UHRF2: variants seen among roughly 807,000 people sequenced by gnomAD.
UHRF2 encodes the protein E3 ubiquitin-protein ligase UHRF2.
In UHRF2, 23 loss-of-function variants were observed where a neutral mutation model predicts 96.8. That is an observed-to-expected ratio of 0.24 (90% CI 0.17 to 0.34). The LOEUF (loss-of-function observed/expected upper bound fraction) is 0.34. Among genes scored for constraint, UHRF2 ranks in the 10% least tolerant of loss-of-function variants. The pLI is 1.00. For synonymous variants in UHRF2, 385 were observed against 332.6 expected (o/e 1.16, Z -1.72); for missense variants, 685 against 981.5 (o/e 0.70, Z 4.04).
At chr9:6,460,944 A>G (rs1822500398) in intron 4 of UHRF2, among the ~76,000 whole-genome samples, 153 bp downstream of exon 4, 1 of 152,264 alleles carries the variant, frequency 6.6e-6, no homozygotes, top group African/African-American at 2.4e-5. Context: ...TAAATTCTTA[A>G]GAATTTTTAA....
intron 3 of UHRF2, among the ~76,000 whole-genome samples, chr9:6,439,493 T>A (rs1386437484): frequency 6.6e-6 from 1 of 152,236 alleles, no homozygotes; most frequent in Non-Finnish European, 1.5e-5. Flanking sequence ...CCTTAAGGCC[T>A]ACGTTAAGCT....
intron 3 of UHRF2, among the ~76,000 whole-genome samples, chr9:6,448,403 T>TA (rs1821650068): frequency 6.6e-6 from 1 of 152,228 alleles, no homozygotes; most frequent in Admixed American, 6.5e-5. Context: ...GTTTCTATAA[T>TA]ATGTTCAAGA....
intron 2 of UHRF2, among the ~76,000 whole-genome samples, chr9:6,430,898 C>G (rs978218890): frequency 3.9e-5 from 6 of 152,176 alleles, no homozygotes; most frequent in Admixed American, 2.6e-4. Flanking sequence ...CATGTTGTCA[C>G]TTAGTTACAT....
intron 3 of UHRF2, among the ~76,000 whole-genome samples, chr9:6,442,291 G>A (rs1821214551): frequency 6.6e-6 from 1 of 152,114 alleles, no homozygotes; most frequent in African/African-American, 2.4e-5. Flanking sequence ...CTTCCTGAAC[G>A]GGAGATGGGA....
chr9:6,448,727 G>A (rs977364808), intron 3 of UHRF2, among the ~76,000 whole-genome samples: 1 of 152,182 alleles, frequency 6.6e-6, no homozygotes, highest in Non-Finnish European at 1.5e-5. Context: ...AATAAGATAA[G>A]AATGGAAAGT....
At position 6,497,240 on chromosome 9, in the gene UHRF2, T is replaced by C; in HGVS notation, c.1647T>C (p.Ile549=). The change falls in exon 11 of 16, where the codon ATT becomes ATC. Residue 549 remains isoleucine (I), a synonymous_variant. Coordinates refer to ENST00000276893, the MANE Select transcript of UHRF2 (RefSeq NM_152896.3). The part of the protein sequence containing the change: ...LNCDAPLDDK[I]GAESRNWRAG... Reference sequence around the variant, plus strand: ...GTGATGCTCCATTGGATGATAAAATTGGAGCAGAGTCTCGGAATTGGAGAG... The same window carrying C: ...GTGATGCTCCATTGGATGATAAAATCGGAGCAGAGTCTCGGAATTGGAGAG... The C allele has an allele frequency of 6.2e-7, 1 of 1,614,010 alleles. No homozygotes were observed. The highest frequency in any genetic ancestry group is 8.5e-7 in the Non-Finnish European group (1 of 1,179,942).
At chr9:6,488,792 G>A (rs997457206) in intron 9 of UHRF2, among the ~76,000 whole-genome samples, 2 of 150,776 alleles carry the variant, frequency 1.3e-5, no homozygotes, top group African/African-American at 4.9e-5. Flanking sequence ...ATGAGCTACC[G>A]TGCTGAGTGT....
intron 2 of UHRF2, among the ~76,000 whole-genome samples, chr9:6,431,963 A>G (rs1241810067): frequency 6.6e-6 from 1 of 152,216 alleles, no homozygotes; most frequent in Admixed American, 6.5e-5. Flanking sequence ...GCGACAGAGT[A>G]GTAACCTCAG....
chr9:6,413,569 G>C lies in UHRF2; in HGVS notation c.79G>C (p.Glu27Gln). 1 of 1,602,228 alleles carries C rather than the reference G, an allele frequency of 6.2e-7. No individual in the cohort carries two copies. The highest frequency in any genetic ancestry group is 8.5e-7 in the Non-Finnish European group (1 of 1,174,900). The change falls in exon 1 of 16, where the codon GAG becomes CAG. Residue 27 changes from glutamate (E) to glutamine (Q), a missense_variant. Glu to Gln is a conservative substitution (Grantham distance 29, BLOSUM62 2). Around this residue, in one of 6 missense-constraint regions of UHRF2, gnomAD observed 38 missense variants for 35.9 expected, o/e 1.06. Transcript: ENST00000276893. ...EDVSRKATIE[E>Q]LRERVWALFD... ...CGTGTCTCGCAAAGCCACGATTGAGGAGCTGCGCGAGCGGGTGTGGGCGCT... is the reference window on the plus strand; with the variant it reads ...CGTGTCTCGCAAAGCCACGATTGAGCAGCTGCGCGAGCGGGTGTGGGCGCT...
chr9:6,461,308 T>C (rs1822520825), intron 4 of UHRF2, among the ~76,000 whole-genome samples: 1 of 151,824 alleles, frequency 6.6e-6, no homozygotes, highest in Non-Finnish European at 1.5e-5. Flanking sequence ...ATTTCTTTCT[T>C]TTCTTTTTTT....
intron 2 of UHRF2, among the ~76,000 whole-genome samples, chr9:6,428,052 G>C (rs184433515): frequency 3.3e-5 from 5 of 152,146 alleles, no homozygotes; most frequent in Non-Finnish European, 7.4e-5. Flanking sequence ...AATAATGACT[G>C]TTTAGAATGA....
chr9:6,460,395 A>G (rs560806499), intron 3 of UHRF2, among the ~76,000 whole-genome samples, 178 bp from the exon 4 acceptor site: 1 of 152,354 alleles, frequency 6.6e-6, no homozygotes, highest in African/African-American at 2.4e-5. Context: ...CCCTGTAGGT[A>G]TCGCAGTACA....
intron 2 of UHRF2, among the ~76,000 whole-genome samples, chr9:6,424,354 A>G (rs1386688685): frequency 7.2e-6 from 1 of 139,760 alleles, no homozygotes; most frequent in African/African-American, 2.5e-5. Context: ...TGTAAATTAA[A>G]ACAGTGCTAT....
intron 12 of UHRF2, chr9:6,498,730 A>G (rs1041746676): frequency 1.3e-5 from 2 of 152,496 alleles, no homozygotes; most frequent in African/African-American, 4.8e-5. Context: ...GTATGGCTGC[A>G]TTAATCCCTT....
At chr9:6,468,656 G>T (rs551562627) in intron 4 of UHRF2, 204 of 455,938 alleles carry the variant, frequency 4.5e-4, no homozygotes, top group Non-Finnish European at 8.1e-4. Context: ...TTTCACCTTT[G>T]GGCTTTGGTT....
In UHRF2 at chr9:6,481,709, T is replaced by A; in HGVS notation, c.1227T>A (p.Ser409Arg). The A allele has an allele frequency of 6.2e-7, 1 of 1,613,678 alleles. No individual in the cohort carries two copies. Among genetic ancestry groups the A allele is most frequent in the Admixed American group, 1.7e-5 (1 of 59,994 alleles). ...VVKAGERLKM[S>R]KKKAKMPSAS... ...AGGCTGGTGAAAGACTCAAGATGAG[T>A]AAAAAGAAAGCAAAGATGCCGTCAG... Residue 409 changes from serine (S) to arginine (R), a missense_variant, in exon 7 of 16, where the codon AGT (serine) becomes AGA (arginine). Around this residue, in one of 6 missense-constraint regions of UHRF2, gnomAD observed 391 missense variants for 437.0 expected, o/e 0.89. Coordinates refer to ENST00000276893, the MANE Select transcript of UHRF2 (RefSeq NM_152896.3).
intron 2 of UHRF2, chr9:6,422,701 C>T (rs894908418): frequency 8.8e-6 from 5 of 565,286 alleles, no homozygotes; most frequent in African/African-American, 1.9e-5. Flanking sequence ...CCTTGACCTG[C>T]TGGGGTCAAG....
At chr9:6,445,981 C>CTTTTTTTTTTTTT (rs57147850) in intron 3 of UHRF2, among the ~76,000 whole-genome samples, 1 of 78,900 alleles carries the variant, frequency 1.3e-5, no homozygotes, top group Non-Finnish European at 2.3e-5. Flanking sequence ...CCCCGCCACC[C>CTTTTTTTTTTTTT]TTTTTTTTTT....
At chr9:6,489,009 C>T (rs1229185502) in intron 9 of UHRF2, among the ~76,000 whole-genome samples, 3 of 151,910 alleles carry the variant, frequency 2.0e-5, no homozygotes, top group South Asian at 4.2e-4. Flanking sequence ...GGGGTTTCAC[C>T]ATGTTGGCCA....
Sources: allele counts gnomAD v4.1 joint callset (sites outside exome capture counted in the v4.1 genomes callset), GRCh38; gene constraint gnomAD v4.1.1; regional missense constraint gnomAD v4.1.1; transcripts MANE v1.5; gene names NCBI Gene and HGNC (gene_info 2026-07-23, HGNC 2026-07-21).